The following PDCD1LG2 variants were observed in gnomAD, a reference collection of about 807,000 sequenced individuals.
The protein encoded by PDCD1LG2 is programmed cell death 1 ligand 2, also known as B7 dendritic cell molecule.
Under a neutral mutation model 28.2 loss-of-function variants are expected in PDCD1LG2, and 32 were observed. The observed-to-expected ratio is 1.13, with a 90% CI of 0.86 to 1.52. The LOEUF is 1.52. PDCD1LG2 is among the 40% of genes most tolerant of loss of function. The pLI is 0.00. For synonymous variants in PDCD1LG2, 116 were observed against 120.2 expected (o/e 0.97, Z 0.23); for missense variants, 385 against 323.8 (o/e 1.19, Z -1.45).
intron 1 of PDCD1LG2, 120 bp downstream of exon 1, chr9:5,510,923 C>G (rs1820045094): frequency 1.3e-5 from 2 of 152,780 alleles, no homozygotes; most frequent in African/African-American, 4.8e-5. Context: ...AAGAGACATT[C>G]TGCCTCAGAA....
intron 3 of PDCD1LG2, among the ~76,000 whole-genome samples, chr9:5,542,032 A>C (rs118163983): frequency 0.017 from 2,626 of 152,326 alleles, 37 homozygotes; most frequent in South Asian, 0.05. Context: ...AAAGCCAAAT[A>C]CTTATAGCCA....
chr9:5,515,546 A>T (rs1397857035), intron 1 of PDCD1LG2, among the ~76,000 whole-genome samples: 1 of 152,198 alleles, frequency 6.6e-6, no homozygotes, highest in Non-Finnish European at 1.5e-5. Flanking sequence ...ACTTTTCCAT[A>T]GGCAGGAAAT....
At chr9:5,518,324 C>T (rs963098223) in intron 1 of PDCD1LG2, among the ~76,000 whole-genome samples, 1 of 152,166 alleles carries the variant, frequency 6.6e-6, no homozygotes, top group Non-Finnish European at 1.5e-5. Context: ...GTGTCTGTTC[C>T]TCGGTTTGCT....
chr9:5,565,122 C>T (rs1162490266), intron 6 of PDCD1LG2, among the ~76,000 whole-genome samples: 1 of 152,148 alleles, frequency 6.6e-6, no homozygotes, highest in African/African-American at 2.4e-5. Flanking sequence ...ATTGATTCAG[C>T]AATCCAGGTG....
At position 5,570,402 on chromosome 9, in the gene PDCD1LG2, T is replaced by C; in HGVS notation, c.*443T>C. 4.1e-6 allele frequency: 1 copy of C among 241,176 alleles called. No homozygotes were observed. The highest frequency in any genetic ancestry group is 8.2e-6 in the Non-Finnish European group (1 of 122,452). 14.9% of individuals were successfully genotyped at this position (241,176 alleles called of 1,614,324 possible). A position where few individuals can be genotyped will look rare whatever the true frequency, so the allele number is the denominator to read the frequency against. On this transcript the variant is annotated 3_prime_UTR_variant, in exon 7 of 7. Coordinates refer to ENST00000397747, the MANE Select transcript of PDCD1LG2 (RefSeq NM_025239.4). ...TTTATCTATAGCTTCCTCTGGGTAC[T>C]AGAAGAGGCTATTGAGACTATGAGC...
In PDCD1LG2 at chr9:5,557,601, G is replaced by T. The variant is rs775885502; in HGVS notation, c.632-17G>T. ...AGTTGCCATGTAACAGGATTCTGGT[G>T]CTTTTCCTTTGCCCAGGTCAGATGG... On this transcript the variant is annotated splice_polypyrimidine_tract_variant and intron_variant, in intron 4 of 6. Transcript: ENST00000397747. The T allele has an allele frequency of 2.5e-6, 4 of 1,613,748 alleles. No individual in the cohort carries two copies. The highest frequency in any genetic ancestry group is 3.4e-6 in the Non-Finnish European group (4 of 1,179,766).
At chr9:5,522,831 C>A (rs1003737904) in intron 2 of PDCD1LG2, among the ~76,000 whole-genome samples, 1 of 152,052 alleles carries the variant, frequency 6.6e-6, no homozygotes, top group African/African-American at 2.4e-5. Context: ...CCATCTATTC[C>A]CACTATCCAG....
Position 5,522,562 on chromosome 9 carries a change from C to T in PDCD1LG2, c.16C>T (p.Leu6=), listed in dbSNP as rs370217715. The T allele has an allele frequency of 3.4e-5, 55 of 1,613,568 alleles. No homozygotes were observed. Among genetic ancestry groups the T allele is most frequent in the African/African-American group, 5.3e-5 (4 of 74,892 alleles). ...AATACAGAACATGATCTTCCTCCTGCTAATGTTGAGCCTGGAATTGCAGCT... is the reference window on the plus strand; with the variant it reads ...AATACAGAACATGATCTTCCTCCTGTTAATGTTGAGCCTGGAATTGCAGCT... MIFLL[L]MLSLELQLHQ... Residue 6 remains leucine (L), a synonymous_variant, in exon 2 of 7, where the codon CTA becomes TTA. Transcript: ENST00000397747.
intron 4 of PDCD1LG2, among the ~76,000 whole-genome samples, chr9:5,550,935 C>T (rs1294880360): frequency 2.0e-5 from 3 of 152,138 alleles, no homozygotes; most frequent in Admixed American, 6.5e-5. Context: ...TCAGGTGATC[C>T]GCCCGCCTCA....
At chr9:5,554,269 A>C (rs1194934722) in intron 4 of PDCD1LG2, among the ~76,000 whole-genome samples, 1 of 152,204 alleles carries the variant, frequency 6.6e-6, no homozygotes, top group Non-Finnish European at 1.5e-5. Flanking sequence ...TCCATCTTAG[A>C]TAATCGCAGT....
At chr9:5,514,268 C>G (rs1226067772) in intron 1 of PDCD1LG2, among the ~76,000 whole-genome samples, 1 of 152,040 alleles carries the variant, frequency 6.6e-6, no homozygotes, top group Non-Finnish European at 1.5e-5. Flanking sequence ...TAGTAAATAC[C>G]AAGTAAATGT....
intron 2 of PDCD1LG2, among the ~76,000 whole-genome samples, chr9:5,530,351 G>T (rs979643710): frequency 6.1e-4 from 93 of 152,130 alleles, no homozygotes; most frequent in Middle Eastern, 3.4e-3. Context: ...TGTAGTTGTG[G>T]AAACCTTCCA....
At chr9:5,514,605 G>A (rs1820120160) in intron 1 of PDCD1LG2, among the ~76,000 whole-genome samples, 1 of 151,914 alleles carries the variant, frequency 6.6e-6, no homozygotes, top group African/African-American at 2.4e-5. Flanking sequence ...GCTGGGCAAG[G>A]TAGCCCACAA....
intron 4 of PDCD1LG2, among the ~76,000 whole-genome samples, chr9:5,557,318 T>C (rs1210795260): frequency 2.0e-5 from 3 of 152,150 alleles, no homozygotes; most frequent in Non-Finnish European, 4.4e-5. Context: ...AAGCACAGAA[T>C]CTGGAACCAG....
chr9:5,529,072 A>T (rs1297766608), intron 2 of PDCD1LG2, among the ~76,000 whole-genome samples: 2 of 152,212 alleles, frequency 1.3e-5, no homozygotes, highest in South Asian at 4.1e-4. Context: ...TCAGATATTG[A>T]TTTTCAAATA....
chr9:5,544,778 G>T (rs1200223032), intron 3 of PDCD1LG2, among the ~76,000 whole-genome samples: 1 of 152,154 alleles, frequency 6.6e-6, no homozygotes, highest in African/African-American at 2.4e-5. Context: ...AGTGCTAAGG[G>T]GTCTGTTATT....
intron 1 of PDCD1LG2, among the ~76,000 whole-genome samples, chr9:5,513,519 G>A (rs1314904697): frequency 6.6e-6 from 1 of 152,208 alleles, no homozygotes; most frequent in East Asian, 1.9e-4. Flanking sequence ...AACCCTCTAT[G>A]AATTCTCCAA....
At chr9:5,535,089 C>T (rs2129797604) in intron 3 of PDCD1LG2, 39 bp downstream of exon 3, 1 of 1,514,986 alleles carries the variant, frequency 6.6e-7, no homozygotes, top group Non-Finnish European at 8.9e-7. Flanking sequence ...GGAAGCATCT[C>T]TCCAACAGAG....
intron 2 of PDCD1LG2, among the ~76,000 whole-genome samples, chr9:5,528,786 A>T (rs1211479361): frequency 6.6e-6 from 1 of 152,042 alleles, no homozygotes; most frequent in Non-Finnish European, 1.5e-5. Context: ...CCCAGGCTGG[A>T]GTTCACTGTC....
Sources: gnomAD v4.1 joint callset for allele counts (sites outside exome capture counted in the v4.1 genomes callset) on GRCh38, gnomAD v4.1.1 for gene constraint, MANE v1.5 for transcripts, NCBI Gene and HGNC (gene_info 2026-07-23, HGNC 2026-07-21) for gene names.